The following PDE10A variants were observed in gnomAD, a reference collection of about 807,000 sequenced individuals.
PDE10A encodes phosphodiesterase 10A.
A neutral mutation model predicts 97.7 loss-of-function variants in PDE10A; 39 were observed. The observed-to-expected ratio is 0.40, with a 90% CI of 0.31 to 0.52. The LOEUF is 0.52. Ranked by LOEUF, PDE10A falls within the 20% of genes least tolerant of loss-of-function variation. The pLI, the probability that PDE10A is intolerant of heterozygous loss-of-function variation, is 0.56. For synonymous variants in PDE10A, 371 were observed against 376.8 expected (o/e 0.98, Z 0.18); for missense variants, 731 against 1,047.8 (o/e 0.70, Z 4.17).
At position 165,655,351 on chromosome 6, in the gene PDE10A, C is replaced by T. The variant is rs751939597; in HGVS notation, c.865+6596G>A. Among the ~76,000 whole-genome samples, 5 of 152,124 alleles carry T rather than the reference C, an allele frequency of 3.3e-5. No homozygotes were observed. Among genetic ancestry groups the T allele is most frequent in the Admixed American group, 6.5e-5 (1 of 15,282 alleles). ...GCATCTCAGGCTGAACACCACCAAACGCCACGCCTGATTCCTTGCGCACCC... is the reference window on the plus strand; with the variant it reads ...GCATCTCAGGCTGAACACCACCAAATGCCACGCCTGATTCCTTGCGCACCC... On this transcript the variant is annotated intron_variant, in intron 1 of 21. Coordinates refer to ENST00000539869, the MANE Select transcript of PDE10A (RefSeq NM_001385079.1). This position sits in a 1 kb window ranked among gnomAD's most constrained non-coding sequence, Gnocchi z 4.5.
intron 2 of PDE10A, among the ~76,000 whole-genome samples, chr6:165,543,160 A>G (rs1419780644): frequency 2.0e-5 from 3 of 152,228 alleles, no homozygotes; most frequent in African/African-American, 7.2e-5. Context: ...AATAAAATCA[A>G]TTATAATACT....
chr6:165,620,378 A>C (rs1332215635), intron 1 of PDE10A, among the ~76,000 whole-genome samples: 6 of 152,086 alleles, frequency 3.9e-5, no homozygotes, highest in Non-Finnish European at 8.8e-5. Flanking sequence ...ATCTGAGTAA[A>C]ATATCTTGAG....
chr6:165,898,654 A>G (rs1173315556), intron 1 of PDE10A, among the ~76,000 whole-genome samples: 1 of 151,688 alleles, frequency 6.6e-6, no homozygotes. Flanking sequence ...GGATGCTCTC[A>G]TTCTCCTCCC....
intron 1 of PDE10A, among the ~76,000 whole-genome samples, chr6:165,890,568 G>A (rs767893988): frequency 2.0e-5 from 3 of 152,204 alleles, no homozygotes; most frequent in Non-Finnish European, 4.4e-5. Context: ...AGAGTTACAA[G>A]TCATTCTTCC....
intron 10 of PDE10A, among the ~76,000 whole-genome samples, chr6:165,428,422 T>G (rs1284468918): frequency 6.6e-6 from 1 of 152,130 alleles, no homozygotes; most frequent in East Asian, 1.9e-4. Context: ...AAATGTCTTT[T>G]CTAAGTATAG....
chr6:165,695,620 C>T (rs1366494046), intron 1 of PDE10A, among the ~76,000 whole-genome samples: 2 of 152,134 alleles, frequency 1.3e-5, no homozygotes, highest in Admixed American at 6.6e-5. Flanking sequence ...AAACAGATAG[C>T]TCCTGTATCT....
intron 17 of PDE10A, among the ~76,000 whole-genome samples, chr6:165,380,884 G>A (rs980292081): frequency 6.6e-6 from 1 of 152,232 alleles, no homozygotes; most frequent in Non-Finnish European, 1.5e-5. Flanking sequence ...GAAGCAGGTA[G>A]CTCCTGCATC....
chr6:165,637,650 T>C (rs2128418152), intron 1 of PDE10A, among the ~76,000 whole-genome samples: 1 of 152,266 alleles, frequency 6.6e-6, no homozygotes, highest in South Asian at 2.1e-4. Context: ...GGCAAAAGGT[T>C]CTGCGTCAAT....
intron 4 of PDE10A, among the ~76,000 whole-genome samples, chr6:165,449,201 G>A (rs747927794): frequency 5.9e-5 from 9 of 152,260 alleles, no homozygotes; most frequent in Non-Finnish European, 1.3e-4. Context: ...AAGACGATAT[G>A]CTCAAATGCA....
chr6:165,422,360 TACGCATATACACACACAGGCATACACAC>T, intron 10 of PDE10A, among the ~76,000 whole-genome samples: 1 of 138,898 alleles, frequency 7.2e-6, no homozygotes, highest in East Asian at 2.1e-4. Flanking sequence ...CATACACACA[TACGCATATACACACACAGGCATACACAC>T]ACGCATACAC....
intron 1 of PDE10A, among the ~76,000 whole-genome samples, chr6:165,905,823 G>T (rs1782245505): frequency 6.6e-6 from 1 of 152,040 alleles, no homozygotes; most frequent in Admixed American, 6.5e-5. Context: ...TTTCCCAGAT[G>T]TCAGGTTTAA....
At chr6:165,426,110 G>C (rs1207253083) in intron 10 of PDE10A, among the ~76,000 whole-genome samples, 2 of 152,102 alleles carry the variant, frequency 1.3e-5, no homozygotes, top group Non-Finnish European at 2.9e-5. Flanking sequence ...CAGTTGTTAA[G>C]ATGGCAATAC....
intron 1 of PDE10A, among the ~76,000 whole-genome samples, chr6:165,574,814 A>T (rs1339598964): frequency 2.6e-5 from 4 of 152,202 alleles, no homozygotes; most frequent in Non-Finnish European, 5.9e-5. Context: ...TAGATTTCTG[A>T]TATTACATTA....
At chr6:165,412,604 T>G (rs1787951714) in intron 13 of PDE10A, among the ~76,000 whole-genome samples, 1 of 152,162 alleles carries the variant, frequency 6.6e-6, no homozygotes, top group East Asian at 1.9e-4. Flanking sequence ...GGACGGGTAC[T>G]CTCACTAAAT....
At chr6:165,805,241 A>C (rs541901502) in intron 1 of PDE10A, among the ~76,000 whole-genome samples, 1 of 152,072 alleles carries the variant, frequency 6.6e-6, no homozygotes, top group African/African-American at 2.4e-5. Flanking sequence ...CCCTGGACGA[A>C]GCCTACCCTG....
At chr6:165,696,283 A>T (rs1171554310) in intron 1 of PDE10A, among the ~76,000 whole-genome samples, 1 of 152,224 alleles carries the variant, frequency 6.6e-6, no homozygotes, top group Non-Finnish European at 1.5e-5. Context: ...ACTTATGGTC[A>T]ACCTCATTCT....
chr6:165,387,871 C>A (rs1785415496), intron 17 of PDE10A, among the ~76,000 whole-genome samples: 1 of 151,738 alleles, frequency 6.6e-6, no homozygotes, highest in Admixed American at 6.6e-5. Flanking sequence ...ATCTTAAAGA[C>A]AATAAAATAA....
chr6:165,867,177 C>T (rs1256176272), intron 1 of PDE10A, among the ~76,000 whole-genome samples: 1 of 149,142 alleles, frequency 6.7e-6, no homozygotes, highest in Non-Finnish European at 1.5e-5. Context: ...CTACAAAGAA[C>T]ACCATAAATG....
At chr6:165,360,919 G>A (rs551726906) in intron 18 of PDE10A, among the ~76,000 whole-genome samples, 150 of 152,248 alleles carry the variant, frequency 9.9e-4, no homozygotes, top group Non-Finnish European at 1.9e-3. Context: ...AACATCAAAG[G>A]CTTAATACTG....
Sources: gnomAD v4.1 joint callset for allele counts (sites outside exome capture counted in the v4.1 genomes callset) on GRCh38, gnomAD v4.1.1 for gene constraint, Gnocchi (gnomAD v3.1) non-coding constraint, MANE v1.5 for transcripts, NCBI Gene and HGNC (gene_info 2026-07-23, HGNC 2026-07-21) for gene names.